ERCC2: variants seen among roughly 807,000 people sequenced by gnomAD.
ERCC2 encodes the protein general transcription and DNA repair factor IIH helicase subunit XPD.
A neutral mutation model predicts 99.4 loss-of-function variants in ERCC2; 90 were observed. The ratio of observed to expected loss-of-function variants is 0.91; its 90% CI spans 0.76 to 1.08. The LOEUF (loss-of-function observed/expected upper bound fraction) is 1.08, where lower values mean the gene tolerates loss of function less well. Among genes scored for constraint, ERCC2 ranks in the 50% least tolerant of loss-of-function variants. The probability of loss-of-function intolerance (pLI) is 0.00; values close to 1 mark genes in which losing one functional copy is unlikely to be tolerated. For synonymous variants in ERCC2, 497 were observed against 432.4 expected, an observed-to-expected ratio of 1.15 and a Z score of -1.85; for missense variants, 993 against 1,038.1, an observed-to-expected ratio of 0.96 and a Z score of 0.60.
At chr19:45,360,334 G>A (rs962194691) in intron 12 of ERCC2, among the ~76,000 whole-genome samples, 14 of 149,416 alleles carry the variant, frequency 9.4e-5, no homozygotes, top group East Asian at 7.9e-4. Flanking sequence ...CGCCCGCCTC[G>A]GCCTCCCAAA....
intron 16 of ERCC2, 31 bp downstream of exon 16, chr19:45,355,634 C>T (rs200815258): frequency 1.9e-6 from 3 of 1,600,318 alleles, no homozygotes; most frequent in South Asian, 2.2e-5. Flanking sequence ...CCTCTTGGAA[C>T]CCACAGAAAC....
chr19:45,351,509 C>A lies in ERCC2; in HGVS notation c.*120G>T. 1 of 1,598,338 alleles carries A rather than the reference C, an allele frequency of 6.3e-7. No homozygotes were observed. The highest frequency in any genetic ancestry group is 8.5e-7 in the Non-Finnish European group (1 of 1,177,302). On this transcript the variant is annotated 3_prime_UTR_variant, in exon 23 of 23. Transcript: ENST00000391945. ...TTCTCCTGCGATTAAAGGCTGTGGA[C>A]GTGACAGTGAGAAATGTCACCTGAC...
chr19:45,360,720 T>C (rs894567606), intron 12 of ERCC2, among the ~76,000 whole-genome samples: 8 of 152,106 alleles, frequency 5.3e-5, no homozygotes, highest in East Asian at 2.0e-4. Context: ...GGTTTCGCCA[T>C]GTTCACCAGG....
chr19:45,370,196 G>T lies in ERCC2; in HGVS notation c.42C>A (p.Tyr14Ter). The change falls in exon 2 of 23, where the codon TAC becomes TAA. Residue 14 changes from tyrosine (Y) to a stop codon, truncating the protein, a stop_gained. Coordinates refer to ENST00000391945, the MANE Select transcript of ERCC2 (RefSeq NM_000400.4). LOFTEE classifies it high-confidence loss of function. ...NVDGLLVYFP[Y>*]DYIYPEQFSY... ...AGAACTGCTCGGGGTAGATGTAGTCGTACGGGAAGTAGACCAGGAGCCCGT... is the reference window on the plus strand; with the variant it reads ...AGAACTGCTCGGGGTAGATGTAGTCTTACGGGAAGTAGACCAGGAGCCCGT... The T allele has an allele frequency of 6.2e-7, 1 of 1,613,434 alleles. No individual in the cohort carries two copies. The highest frequency in any genetic ancestry group is 1.1e-5 in the South Asian group (1 of 91,082).
Position 45,351,482 on chromosome 19 carries a change from C to A in ERCC2, c.*147G>T. On this transcript the variant is annotated 3_prime_UTR_variant, in exon 23 of 23. Coordinates refer to ENST00000391945, the MANE Select transcript of ERCC2 (RefSeq NM_000400.4). ...CCTCTGGGTACCTGGTGGATAGCTGCCTTCTCCTGCGATTAAAGGCTGTGG... is the reference window on the plus strand; with the variant it reads ...CCTCTGGGTACCTGGTGGATAGCTGACTTCTCCTGCGATTAAAGGCTGTGG... 1 of 1,587,726 alleles carries A rather than the reference C, an allele frequency of 6.3e-7. No homozygotes were observed. The highest frequency in any genetic ancestry group is 1.1e-5 in the South Asian group (1 of 89,540).
rs1799790 is a variant in ERCC2, at chr19:45,351,802, C to A, written c.2191-81G>T. Reference sequence around the variant, plus strand: ...GCTGCTGCACTTCCCCAACCACCCCCCCGAATGGCCAGTAGGGACAGGATG... The same window carrying A: ...GCTGCTGCACTTCCCCAACCACCCCACCGAATGGCCAGTAGGGACAGGATG... On this transcript the variant is annotated intron_variant, in intron 22 of 22. Transcript: ENST00000391945. The A allele has an allele frequency of 3.6e-5, 45 of 1,242,998 alleles. 1 individual carries two copies. The highest frequency in any genetic ancestry group is 8.7e-5 in the Admixed American group (5 of 57,654). 77.0% of individuals were successfully genotyped at this position (1,242,998 alleles called of 1,614,324 possible). A position where few individuals can be genotyped will look rare whatever the true frequency, so the allele number is the denominator to read the frequency against.
Position 45,361,549 on chromosome 19 carries a change from G to T in ERCC2, c.1212C>A (p.Ala404=), listed in dbSNP as rs755946841. The T allele has an allele frequency of 6.2e-7, 1 of 1,613,646 alleles. No homozygotes were observed. The highest frequency in any genetic ancestry group is 1.1e-5 in the South Asian group (1 of 91,082). ...CTTTGGCGTAGGTGCTGACAAGGGT[G>T]GCAAAGTTAGCAAGGAGGGTGAGCG... is the stretch of plus-strand genomic sequence containing the variant. ...FSPLTLLANF[A]TLVSTYAKGF... The change falls in exon 12 of 23, where the codon GCC becomes GCA. Residue 404 remains alanine (A), a synonymous_variant. Coordinates refer to ENST00000391945, the MANE Select transcript of ERCC2 (RefSeq NM_000400.4).
At chr19:45,362,653 C>A (rs1250216007) in intron 11 of ERCC2, among the ~76,000 whole-genome samples, 3 of 152,274 alleles carry the variant, frequency 2.0e-5, no homozygotes, top group Non-Finnish European at 4.4e-5. Context: ...GTCCCCTCCA[C>A]TGGGCCATGG....
intron 5 of ERCC2, among the ~76,000 whole-genome samples, chr19:45,365,556 A>G (rs1972397787): frequency 1.3e-5 from 2 of 152,278 alleles, no homozygotes; most frequent in African/African-American, 4.8e-5. Flanking sequence ...GGTTGCAGTG[A>G]GCAGAGATCG....
Position 45,369,001 on chromosome 19 carries a change from A to G in ERCC2, c.184-9T>C. ...ACCTCCAGCGGATATGCCTGCCGATAACAAGCGGACTCAGTCCCTGTCCCG... is the reference window on the plus strand; with the variant it reads ...ACCTCCAGCGGATATGCCTGCCGATGACAAGCGGACTCAGTCCCTGTCCCG... On this transcript the variant is annotated splice_polypyrimidine_tract_variant and intron_variant, in intron 3 of 22. Coordinates refer to ENST00000391945, the MANE Select transcript of ERCC2 (RefSeq NM_000400.4). 1 of 1,614,216 alleles carries G rather than the reference A, an allele frequency of 6.2e-7. No homozygotes were observed. The highest frequency in any genetic ancestry group is 8.5e-7 in the Non-Finnish European group (1 of 1,180,020).
Position 45,364,611 on chromosome 19 carries a change from C to T in ERCC2, c.595-64G>A. ...CCCCAACCCCTACCCCTACCCCTGG[C>T]CACACTGGCCCGTCACTCCCACACA... On this transcript the variant is annotated intron_variant, in intron 7 of 22. Transcript: ENST00000391945. 3.1e-6 allele frequency: 5 copies of T among 1,599,976 alleles called. No homozygotes were observed. In the East Asian group the frequency reaches 6.7e-5, roughly 22 times the overall value.
At position 45,352,664 on chromosome 19, in the gene ERCC2, G is replaced by A. The variant is rs753597424; in HGVS notation, c.1903-15C>T. The A allele has an allele frequency of 5.0e-6, 8 of 1,613,902 alleles. No individual in the cohort carries two copies. The African/African-American group carries it at 5.3e-5, about 11-fold the overall frequency. On this transcript the variant is annotated splice_polypyrimidine_tract_variant and intron_variant, in intron 20 of 22. Transcript: ENST00000391945. ...TCCAGCCGCGCCTGCAGATACGGAG[G>A]ATGAGAAGCTGGGGAGGTGGGGGAG...
At chr19:45,365,189 CAG>C (rs1384444571) in intron 5 of ERCC2, 31 bp from the exon 6 acceptor site, 1 of 1,573,490 alleles carries the variant, frequency 6.4e-7, no homozygotes, top group Non-Finnish European at 8.7e-7. Flanking sequence ...AGCACCCAGA[CAG>C]GGTGGAAACC....
chr19:45,359,145 T>C (rs1972120529), intron 12 of ERCC2, among the ~76,000 whole-genome samples: 1 of 150,824 alleles, frequency 6.6e-6, no homozygotes, highest in Non-Finnish European at 1.5e-5. Flanking sequence ...AGCCTGGGGG[T>C]CAGGGAGGGC....
rs750996893 is a variant in ERCC2 at position 45,352,273 on chromosome 19, G to A, written c.2126C>T (p.Thr709Ile). The stretch of plus-strand genomic sequence containing the variant: ...GGCCACCTGGACACCCTCGTCCACG[G>A]TCAGGTTGAGGTTGGCATCTGTGAG... ...EHLTDANLNL[T>I]VDEGVQVAKY... The change falls in exon 22 of 23, where the codon ACC becomes ATC. Residue 709 changes from threonine to isoleucine, a missense_variant. Around this residue, in one of 3 missense-constraint regions of ERCC2, gnomAD observed 909 missense variants for 930.8 expected, o/e 0.98. Transcript: ENST00000391945. 1 of 1,614,090 alleles carries A rather than the reference G, an allele frequency of 6.2e-7. No individual in the cohort carries two copies. The highest frequency in any genetic ancestry group is 1.7e-5 in the Admixed American group (1 of 60,028).
At chr19:45,365,628 T>C (rs1972400412) in intron 5 of ERCC2, among the ~76,000 whole-genome samples, 1 of 147,088 alleles carries the variant, frequency 6.8e-6, no homozygotes, top group South Asian at 2.2e-4. Context: ...TAAGTAAAAA[T>C]AAAAATACAA....
At chr19:45,353,431 G>A (rs2123230269) in intron 17 of ERCC2, 97 bp from the exon 18 acceptor site, 1 of 786,428 alleles carries the variant, frequency 1.3e-6, no homozygotes, top group Non-Finnish European at 2.2e-6. Flanking sequence ...CATGTCTCTG[G>A]GCCTCAGCTG....
At chr19:45,358,465 A>G in intron 12 of ERCC2, 1 of 279,562 alleles carries the variant, frequency 3.6e-6, no homozygotes, top group Non-Finnish European at 6.9e-6. Flanking sequence ...TGCTCGCTTC[A>G]CGGCAGCCAG....
chr19:45,351,394 A>G lies in ERCC2; in HGVS notation c.*235T>C. On this transcript the variant is annotated 3_prime_UTR_variant, in exon 23 of 23. Transcript: ENST00000391945. ...CTGCGCTGGCCGCAGCTTCTTGGGA[A>G]CAGTGCAGGAGGGATGGGCTGGTGG... 6.2e-7 allele frequency: 1 copy of G among 1,605,912 alleles called. No individual in the cohort carries two copies. Among genetic ancestry groups the G allele is most frequent in the Non-Finnish European group, 8.5e-7 (1 of 1,179,772 alleles).
Sources: gnomAD v4.1 joint callset for allele counts (sites outside exome capture counted in the v4.1 genomes callset) on GRCh38, gnomAD v4.1.1 for gene constraint, gnomAD v4.1.1 regional missense constraint, MANE v1.5 for transcripts, NCBI Gene and HGNC (gene_info 2026-07-23, HGNC 2026-07-21) for gene names.